NGEF: variants seen among roughly 807,000 people sequenced by gnomAD.
The protein encoded by NGEF is ephexin-1.
NGEF carries 31 observed loss-of-function variants against 80.9 expected under a neutral mutation model. The ratio of observed to expected loss-of-function variants is 0.38; its 90% confidence interval spans 0.29 to 0.52. The LOEUF (loss-of-function observed/expected upper bound fraction) is 0.52, where lower values mean the gene tolerates loss of function less well. Among genes scored for constraint, NGEF ranks in the 20% least tolerant of loss-of-function variants. The pLI, the probability that NGEF is intolerant of heterozygous loss-of-function variation, is 0.84. For synonymous variants in NGEF, 371 were observed against 370.2 expected (o/e 1.00, Z -0.03); for missense variants, 709 against 926.2 (o/e 0.77, Z 3.04).
At chr2:232,923,473 C>T (rs1054057376) in intron 4 of NGEF, among the ~76,000 whole-genome samples, 15 of 151,850 alleles carry the variant, frequency 9.9e-5, no homozygotes, top group Non-Finnish European at 1.8e-4. Flanking sequence ...CAGTGGCTCA[C>T]GCCTGTAATC....
At chr2:232,903,086 G>C (rs1692403402) in intron 5 of NGEF, among the ~76,000 whole-genome samples, 4 of 152,184 alleles carry the variant, frequency 2.6e-5, no homozygotes, top group Admixed American at 2.6e-4. Context: ...TTAGTGGCAG[G>C]GGACCAGCAC....
At chr2:232,919,451 T>C (rs1290536545) in intron 5 of NGEF, among the ~76,000 whole-genome samples, 1 of 151,938 alleles carries the variant, frequency 6.6e-6, no homozygotes, top group Non-Finnish European at 1.5e-5. Context: ...CTTTTTTTTT[T>C]CCCTTCTGTA....
At chr2:232,993,706 G>T (rs1374000784) in intron 1 of NGEF, among the ~76,000 whole-genome samples, 1 of 152,160 alleles carries the variant, frequency 6.6e-6, no homozygotes, top group East Asian at 1.9e-4. Context: ...ATTAAAAGGT[G>T]ATCTATCCTT....
At chr2:232,884,340 AC>A (rs1691607033) in intron 10 of NGEF, among the ~76,000 whole-genome samples, 196 bp from the exon 11 acceptor site, 1 of 151,894 alleles carries the variant, frequency 6.6e-6, no homozygotes, top group East Asian at 1.9e-4. Flanking sequence ...GTGAACATGC[AC>A]CCCTGTGGGC....
intron 5 of NGEF, among the ~76,000 whole-genome samples, chr2:232,897,921 T>C (rs558398228): frequency 6.6e-6 from 1 of 152,334 alleles, no homozygotes; most frequent in East Asian, 1.9e-4. Flanking sequence ...CCACGTCGCA[T>C]CTGCCTCATC....
chr2:232,978,548 C>T lies in NGEF; in HGVS notation c.-74-3584G>A, dbSNP rs897091497. ...GACAAAACGAAACAAAAATAACTTGCGGTATAATTTACTCTTTTTATTAGT... is the reference window on the plus strand; with the variant it reads ...GACAAAACGAAACAAAAATAACTTGTGGTATAATTTACTCTTTTTATTAGT... On this transcript the variant is annotated intron_variant, in intron 1 of 14. Coordinates refer to ENST00000264051, the MANE Select transcript of NGEF (RefSeq NM_019850.3). Among the ~76,000 whole-genome samples the T allele has an allele frequency of 3.3e-5, 5 of 152,046 alleles. No homozygotes were observed. In the South Asian group the frequency reaches 1.0e-3, roughly 32 times the overall value.
At chr2:232,891,979 G>A (rs75817138) in intron 7 of NGEF, among the ~76,000 whole-genome samples, 2 of 15,022 alleles carry the variant, frequency 1.3e-4, no homozygotes, top group African/African-American at 3.7e-4. Flanking sequence ...TGGCAGGGAC[G>A]GCAGGGACAG....
chr2:232,939,167 C>T (rs1693389213), intron 3 of NGEF, among the ~76,000 whole-genome samples: 1 of 115,200 alleles, frequency 8.7e-6, no homozygotes, highest in African/African-American at 3.3e-5. Context: ...AACAGCAAGA[C>T]TCAGTCTCAA....
At chr2:232,943,942 A>G (rs1693495261) in intron 3 of NGEF, among the ~76,000 whole-genome samples, 1 of 151,698 alleles carries the variant, frequency 6.6e-6, no homozygotes, top group African/African-American at 2.4e-5. Context: ...TAATAGAACT[A>G]CAAGTGCAGG....
chr2:232,925,516 C>T (rs1417015710), intron 4 of NGEF, among the ~76,000 whole-genome samples: 1 of 152,174 alleles, frequency 6.6e-6, no homozygotes, highest in African/African-American at 2.4e-5. Flanking sequence ...CCCAAACGAC[C>T]AGGCACTAGA....
rs374499081 is a variant in NGEF, at chr2:232,906,501, A to G, written c.829-11585T>C. On this transcript the variant is annotated intron_variant, in intron 5 of 14. Transcript: ENST00000264051. ...TGAGGAGCCCCTCTGCCCGGCCACCACCCCGTGTGGGAGGGAGGTGGGGGG... is the reference window on the plus strand; with the variant it reads ...TGAGGAGCCCCTCTGCCCGGCCACCGCCCCGTGTGGGAGGGAGGTGGGGGG... 3.1e-3 allele frequency among the ~76,000 whole-genome samples: 31 copies of G among 10,008 alleles called. 1 individual carries two copies. The highest frequency in any genetic ancestry group is 6.8e-3 in the African/African-American group (13 of 1,912). 6.6% of individuals were successfully genotyped at this position (10,008 alleles called of 152,430 possible). A position where few individuals can be genotyped will look rare whatever the true frequency, so the allele number is the denominator to read the frequency against.
At chr2:232,919,308 A>G (rs1466568880) in intron 5 of NGEF, among the ~76,000 whole-genome samples, 1 of 152,098 alleles carries the variant, frequency 6.6e-6, no homozygotes, top group Non-Finnish European at 1.5e-5. Flanking sequence ...CACAGCTGCC[A>G]CAAGAAACAA....
intron 10 of NGEF, 39 bp from the exon 11 acceptor site, chr2:232,884,183 A>C: frequency 6.5e-7 from 1 of 1,530,216 alleles, no homozygotes; most frequent in Non-Finnish European, 8.7e-7. Context: ...CTGTGCCCAC[A>C]ATGTCCCTCC....
chr2:232,884,242 CCAGGGCCCCGACA>C, intron 10 of NGEF, 98 bp from the exon 11 acceptor site: 1 of 1,347,454 alleles, frequency 7.4e-7, no homozygotes, highest in Non-Finnish European at 9.8e-7. Context: ...TGACACCTGC[CCAGGGCCCCGACA>C]CATGAGGCAC....
intron 9 of NGEF, 99 bp from the exon 10 acceptor site, chr2:232,885,468 T>A: frequency 1.1e-6 from 1 of 934,790 alleles, no homozygotes; most frequent in Non-Finnish European, 1.7e-6. Context: ...GTGACCACCG[T>A]GACCAGACAC....
chr2:232,938,741 G>GA (rs60179308), intron 3 of NGEF, among the ~76,000 whole-genome samples: 59,344 of 120,688 alleles, frequency 0.49, 14,545 homozygotes, highest in East Asian at 0.66. Context: ...CCTGTCTTAA[G>GA]AAAAAAAAAA....
intron 5 of NGEF, among the ~76,000 whole-genome samples, chr2:232,900,351 C>T (rs1464851250): frequency 8.4e-4 from 64 of 76,028 alleles, no homozygotes; most frequent in South Asian, 1.7e-3. Context: ...GTCACTCATA[C>T]ACGTTCACTC....
At chr2:233,000,584 C>T (rs1450249214) in intron 1 of NGEF, among the ~76,000 whole-genome samples, 2 of 151,836 alleles carry the variant, frequency 1.3e-5, no homozygotes, top group African/African-American at 4.8e-5. Context: ...GGTGAAACCC[C>T]GTCTCTAGTA....
intron 3 of NGEF, chr2:232,928,055 G>A (rs1693122636): frequency 1.1e-5 from 13 of 1,164,868 alleles, no homozygotes; most frequent in Non-Finnish European, 1.4e-5. Flanking sequence ...CCGGGGCCCT[G>A]GGCTGGGTCG....
Sources: allele counts gnomAD v4.1 joint callset (sites outside exome capture counted in the v4.1 genomes callset), GRCh38; gene constraint gnomAD v4.1.1; transcripts MANE v1.5; gene names NCBI Gene and HGNC (gene_info 2026-07-23, HGNC 2026-07-21).